The following GABBR2 variants were observed in gnomAD, a reference collection of about 807,000 sequenced individuals.
GABBR2 encodes the protein G-protein coupled receptor 51.
In GABBR2, 23 loss-of-function variants were observed where a neutral mutation model predicts 105.6. The observed-to-expected ratio is 0.22, with a 90% CI of 0.16 to 0.31. GABBR2 has a LOEUF of 0.31. Ranked by LOEUF, GABBR2 falls within the 10% of genes least tolerant of loss-of-function variation. The pLI, the probability that GABBR2 is intolerant of heterozygous loss-of-function variation, is 1.00. For synonymous variants in GABBR2, 478 were observed against 499.7 expected (o/e 0.96, Z 0.58); for missense variants, 734 against 1,245.5 (o/e 0.59, Z 6.18).
chr9:98,656,954 C>A (rs145057224), intron 1 of GABBR2, among the ~76,000 whole-genome samples: 1 of 152,216 alleles, frequency 6.6e-6, no homozygotes, highest in Non-Finnish European at 1.5e-5. Context: ...AGGTTGCAAA[C>A]GGGTGGCTCT....
At chr9:98,579,525 T>C (rs897089708) in intron 1 of GABBR2, among the ~76,000 whole-genome samples, 1 of 152,172 alleles carries the variant, frequency 6.6e-6, no homozygotes, top group African/African-American at 2.4e-5. Flanking sequence ...TGTCTGAGGG[T>C]CCTTTGTCAA....
intron 6 of GABBR2, among the ~76,000 whole-genome samples, chr9:98,471,549 C>T (rs1439922600): frequency 1.3e-5 from 2 of 152,260 alleles, no homozygotes; most frequent in Non-Finnish European, 2.9e-5. Context: ...CCCTGCATGG[C>T]TCCCACCCTG....
intron 13 of GABBR2, among the ~76,000 whole-genome samples, chr9:98,338,513 G>A (rs1281088445): frequency 6.6e-6 from 1 of 152,204 alleles, no homozygotes; most frequent in South Asian, 2.1e-4. Context: ...CAATAAGCAT[G>A]TAAAAAGACA....
At chr9:98,341,721 C>T (rs963811540) in intron 13 of GABBR2, among the ~76,000 whole-genome samples, 4 of 152,208 alleles carry the variant, frequency 2.6e-5, no homozygotes, top group African/African-American at 9.6e-5. Flanking sequence ...ACCTGTGGAT[C>T]TTTATCTCGG....
At chr9:98,593,607 G>A (rs1172259066) in intron 1 of GABBR2, among the ~76,000 whole-genome samples, 1 of 152,148 alleles carries the variant, frequency 6.6e-6, no homozygotes, top group African/African-American at 2.4e-5. Flanking sequence ...CCAGCACTGG[G>A]CACAAGGCTG....
chr9:98,312,417 A>G (rs538674705), intron 13 of GABBR2, among the ~76,000 whole-genome samples: 1 of 152,322 alleles, frequency 6.6e-6, no homozygotes, highest in South Asian at 2.1e-4. Context: ...CTTGTCAGGA[A>G]TCCTACATAA....
chr9:98,482,690 G>T (rs1588186506), intron 4 of GABBR2, among the ~76,000 whole-genome samples: 1 of 152,192 alleles, frequency 6.6e-6, no homozygotes, highest in African/African-American at 2.4e-5. Context: ...CTCCACCTCT[G>T]ATTAGCTGAA....
At chr9:98,609,619 G>T (rs1030572479) in intron 1 of GABBR2, among the ~76,000 whole-genome samples, 8 of 152,188 alleles carry the variant, frequency 5.3e-5, no homozygotes, top group African/African-American at 1.4e-4. Context: ...GGGCTCCAAG[G>T]TGGGTTTTTA....
intron 6 of GABBR2, among the ~76,000 whole-genome samples, chr9:98,471,093 A>C (rs1439327661): frequency 6.6e-6 from 1 of 152,102 alleles, no homozygotes; most frequent in South Asian, 2.1e-4. Flanking sequence ...GGGAAGCTGG[A>C]CTCCATAATG....
intron 13 of GABBR2, among the ~76,000 whole-genome samples, chr9:98,346,262 C>T (rs1831302175): frequency 6.6e-6 from 1 of 152,204 alleles, no homozygotes; most frequent in Non-Finnish European, 1.5e-5. Context: ...TGGAATCAAT[C>T]CTCTCAAACC....
Position 98,455,224 on chromosome 9 carries a change from T to C in GABBR2, c.1000-1007A>G, listed in dbSNP as rs2131605205. Among the ~76,000 whole-genome samples, 2 of 152,364 alleles carry C rather than the reference T, an allele frequency of 1.3e-5. 1 individual carries two copies. Among genetic ancestry groups the C allele is most frequent in the Middle Eastern group, 6.8e-3 (2 of 294 alleles). On this transcript the variant is annotated intron_variant, in intron 6 of 18. Transcript: ENST00000259455. ...TCATTGGTGATATTAACATTTTGAT[T>C]GTGGCCACAAAGTAACGAAACTGCC...
chr9:98,407,266 C>G (rs1055607918), intron 7 of GABBR2, among the ~76,000 whole-genome samples: 1 of 152,088 alleles, frequency 6.6e-6, no homozygotes, highest in Admixed American at 6.5e-5. Context: ...GGGAGAAAAC[C>G]CCAGGAAGCA....
rs556711093 is a variant in GABBR2, at chr9:98,445,876, A to G, written c.1236+8105T>C. Among the ~76,000 whole-genome samples, 5 of 152,382 alleles carry G rather than the reference A, an allele frequency of 3.3e-5. No homozygotes were observed. The East Asian group carries it at 9.6e-4, about 29-fold the overall frequency. On this transcript the variant is annotated intron_variant, in intron 7 of 18. Transcript: ENST00000259455. ...CAGGAGATCTGGGTGGGACACCATC[A>G]GCATCTGCTGCAATTAGCTTTTGTG...
At chr9:98,316,876 C>A (rs1789634563) in intron 13 of GABBR2, among the ~76,000 whole-genome samples, 1 of 152,156 alleles carries the variant, frequency 6.6e-6, no homozygotes, top group African/African-American at 2.4e-5. Flanking sequence ...CCCAAGATCT[C>A]CAGCTAGTAA....
chr9:98,693,363 A>G (rs965647531), intron 1 of GABBR2, among the ~76,000 whole-genome samples: 4 of 152,220 alleles, frequency 2.6e-5, no homozygotes, highest in Non-Finnish European at 5.9e-5. Flanking sequence ...GGGCCCCTCC[A>G]TGTCCTCAGG....
At chr9:98,437,706 C>T (rs182431163) in intron 7 of GABBR2, among the ~76,000 whole-genome samples, 44 of 151,922 alleles carry the variant, frequency 2.9e-4, no homozygotes, top group Non-Finnish European at 5.4e-4. Context: ...ATCCATCCAT[C>T]CATCCACCCA....
At chr9:98,548,289 G>T (rs1254874512) in intron 2 of GABBR2, among the ~76,000 whole-genome samples, 2 of 120,952 alleles carry the variant, frequency 1.7e-5, no homozygotes, top group African/African-American at 5.3e-5. Flanking sequence ...GAAGGCCGGA[G>T]AATAAGTATT....
rs574996981 is a variant in GABBR2, at chr9:98,610,200, G to A, written c.322-32128C>T. ...CTCAACTCCCAGTTGGTGGCTTCCT[G>A]GTGGCGTGACAGTGGGCCCATTTAA... On this transcript the variant is annotated intron_variant, in intron 1 of 18. Coordinates refer to ENST00000259455, the MANE Select transcript of GABBR2 (RefSeq NM_005458.8). Among the ~76,000 whole-genome samples, 4 of 152,340 alleles carry A rather than the reference G, an allele frequency of 2.6e-5. No homozygotes were observed. In the South Asian group the frequency reaches 8.3e-4, roughly 32 times the overall value.
chr9:98,487,950 G>C (rs1342730945), intron 4 of GABBR2, among the ~76,000 whole-genome samples: 1 of 152,132 alleles, frequency 6.6e-6, no homozygotes, highest in Non-Finnish European at 1.5e-5. Flanking sequence ...GTATTCACAG[G>C]GTCCTTAAAT....
Sources: gnomAD v4.1 joint callset for allele counts (sites outside exome capture counted in the v4.1 genomes callset) on GRCh38, gnomAD v4.1.1 for gene constraint, MANE v1.5 for transcripts, NCBI Gene and HGNC (gene_info 2026-07-23, HGNC 2026-07-21) for gene names.